Variants in GFPT1 observed in about 807,000 individuals in gnomAD.
GFPT1 encodes glutamine--fructose-6-phosphate aminotransferase [isomerizing] 1.
In GFPT1, 40 loss-of-function variants were observed where a neutral mutation model predicts 92.0. That is an observed-to-expected ratio of 0.43 (90% CI 0.34 to 0.57). The LOEUF is 0.57. Among genes scored for constraint, GFPT1 ranks in the 20% least tolerant of loss-of-function variants. The pLI is 0.02. For missense variants in GFPT1, 448 were observed against 869.1 expected (o/e 0.52, Z 6.09); for synonymous variants, 269 against 280.6 (o/e 0.96, Z 0.41).
chr2:69,361,062 G>C (rs533181318), intron 4 of GFPT1, among the ~76,000 whole-genome samples: 1 of 152,124 alleles, frequency 6.6e-6, no homozygotes, highest in African/African-American at 2.4e-5. Flanking sequence ...TATACATAAA[G>C]ATCTGATATT....
At chr2:69,381,862 T>TG (rs1267308569) in intron 1 of GFPT1, among the ~76,000 whole-genome samples, 5 of 84,716 alleles carry the variant, frequency 5.9e-5, no homozygotes, top group Non-Finnish European at 6.5e-5. Flanking sequence ...TACTTATAAC[T>TG]CTTTTTTTTT....
chr2:69,352,612 CAAAAAAAAAA>C (rs748958210), intron 9 of GFPT1, among the ~76,000 whole-genome samples: 5 of 47,378 alleles, frequency 1.1e-4, no homozygotes, highest in Admixed American at 3.8e-4. Context: ...GACTTCGTCT[CAAAAAAAAAA>C]AAAAAAAAAA....
At chr2:69,356,402 C>T in intron 7 of GFPT1, 94 bp downstream of exon 7, 1 of 880,782 alleles carries the variant, frequency 1.1e-6, no homozygotes, top group Non-Finnish European at 2.0e-6. Flanking sequence ...AAGGGCAGAG[C>T]CTTTATAATA....
Position 69,326,110 on chromosome 2 carries a change from T to C in GFPT1, c.*79A>G. The C allele has an allele frequency of 1.1e-6, 1 of 938,890 alleles. No homozygotes were observed. The highest frequency in any genetic ancestry group is 1.7e-6 in the Non-Finnish European group (1 of 586,780). The allele number at this position is 938,890 out of a possible 1,614,324, so 58.2% of individuals were successfully genotyped here. On this transcript the variant is annotated 3_prime_UTR_variant, in exon 20 of 20. Transcript: ENST00000357308. The stretch of plus-strand genomic sequence containing the variant: ...AAAAAAAGGCTTCAAGGGGTGATAT[T>C]TTAAATCAAGGTTTTAAATACAAAA...
At chr2:69,329,510 T>G (rs1670608654) in intron 16 of GFPT1, 86 bp from the exon 17 acceptor site, 2 of 1,094,082 alleles carry the variant, frequency 1.8e-6, no homozygotes, top group Non-Finnish European at 2.8e-6. Flanking sequence ...AAGACCAGTG[T>G]TTCTATTCCT....
At chr2:69,366,902 T>C (rs755032110) in intron 3 of GFPT1, among the ~76,000 whole-genome samples, 42 of 152,126 alleles carry the variant, frequency 2.8e-4, no homozygotes, top group Non-Finnish European at 5.1e-4. Flanking sequence ...GATGTCATCT[T>C]CCCTTTTCAA....
chr2:69,346,766 T>A (rs1671092553), intron 11 of GFPT1, among the ~76,000 whole-genome samples: 1 of 152,044 alleles, frequency 6.6e-6, no homozygotes, highest in South Asian at 2.1e-4. Context: ...AGGGTCTTTG[T>A]CACCCAGACT....
chr2:69,379,783 G>A (rs1340988459), intron 1 of GFPT1, among the ~76,000 whole-genome samples: 1 of 151,942 alleles, frequency 6.6e-6, no homozygotes, highest in African/African-American at 2.4e-5. Flanking sequence ...GTATAGTGAT[G>A]CGATCTTGGC....
intron 1 of GFPT1, among the ~76,000 whole-genome samples, chr2:69,385,493 G>A (rs1672109138): frequency 6.6e-6 from 1 of 152,046 alleles, no homozygotes; most frequent in Non-Finnish European, 1.5e-5. Context: ...CCAAAGTGCT[G>A]AGATTATAGG....
At position 69,321,670 on chromosome 2, in the gene GFPT1, CA is replaced by C. The variant is rs1323962436; in HGVS notation, c.*4518del. 6.6e-6 allele frequency: 1 copy of C among 152,118 alleles called. No homozygotes were observed. The highest frequency in any genetic ancestry group is 6.5e-5 in the Admixed American group (1 of 15,270). The allele number at this position is 152,118 out of a possible 1,614,324, so 9.4% of individuals were successfully genotyped here. A position where few individuals can be genotyped will look rare whatever the true frequency, so the allele number is the denominator to read the frequency against. On this transcript the variant is annotated 3_prime_UTR_variant, in exon 20 of 20. Coordinates refer to ENST00000357308, the MANE Select transcript of GFPT1 (RefSeq NM_001244710.2). ...AAAGCAAAGATGATCCTAAAATTTC[CA>C]CTTCTCAAGAAGTGTAATTTAAACA...
intron 4 of GFPT1, among the ~76,000 whole-genome samples, chr2:69,360,465 G>A (rs1394219449): frequency 2.2e-5 from 3 of 136,556 alleles, no homozygotes; most frequent in Non-Finnish European, 3.0e-5. Context: ...TTGGAGACAC[G>A]ATGTTGCTCT....
At chr2:69,332,796 G>A (rs994435652) in intron 15 of GFPT1, among the ~76,000 whole-genome samples, 14 of 151,870 alleles carry the variant, frequency 9.2e-5, no homozygotes, top group African/African-American at 2.7e-4. Flanking sequence ...GTGTGTGTGC[G>A]CGCGCGGATT....
chr2:69,365,697 T>C (rs1210456291), intron 3 of GFPT1, among the ~76,000 whole-genome samples: 1 of 152,230 alleles, frequency 6.6e-6, no homozygotes, highest in African/African-American at 2.4e-5. Flanking sequence ...TATTCTTTCC[T>C]GGCTTAACTG....
chr2:69,332,911 G>A (rs1670699553), intron 15 of GFPT1, among the ~76,000 whole-genome samples: 1 of 151,812 alleles, frequency 6.6e-6, no homozygotes, highest in Admixed American at 6.6e-5. Flanking sequence ...TCACAGTCTG[G>A]TAACTCCTTA....
chr2:69,339,109 C>T (rs1250281859), intron 13 of GFPT1, among the ~76,000 whole-genome samples: 2 of 152,134 alleles, frequency 1.3e-5, no homozygotes, highest in African/African-American at 4.8e-5. Context: ...AGGAAACATA[C>T]CCACACATAT....
At chr2:69,353,627 G>C (rs143100272) in intron 9 of GFPT1, among the ~76,000 whole-genome samples, 3 of 151,850 alleles carry the variant, frequency 2.0e-5, no homozygotes, top group Non-Finnish European at 4.4e-5. Flanking sequence ...CCAAGAGTTC[G>C]AAATTGCAGT....
intron 12 of GFPT1, among the ~76,000 whole-genome samples, chr2:69,344,013 C>T (rs1254742153): frequency 6.6e-6 from 1 of 152,108 alleles, no homozygotes; most frequent in Non-Finnish European, 1.5e-5. Context: ...GCCACACCAG[C>T]CAGACTGGCC....
Position 69,338,571 on chromosome 2 carries a change from G to C in GFPT1, c.1204-6C>G. On this transcript the variant is annotated splice_polypyrimidine_tract_variant and splice_region_variant and intron_variant, in intron 13 of 19. Transcript: ENST00000357308. ...TCCTCAAGAACTTGACGTGTCTGCA[G>C]AGAAAATATGACTTGGTCACAGAAC... 1 of 1,613,828 alleles carries C rather than the reference G, an allele frequency of 6.2e-7. No individual in the cohort carries two copies.
intron 11 of GFPT1, among the ~76,000 whole-genome samples, chr2:69,347,210 CTT>C (rs747188474): frequency 4.9e-5 from 7 of 142,838 alleles, no homozygotes; most frequent in Non-Finnish European, 3.1e-5. Context: ...TGCACCTGGA[CTT>C]TTTTTTTTTT....
Sources: gnomAD v4.1 joint callset for allele counts (sites outside exome capture counted in the v4.1 genomes callset) on GRCh38, gnomAD v4.1.1 for gene constraint, MANE v1.5 for transcripts, NCBI Gene and HGNC (gene_info 2026-07-23, HGNC 2026-07-21) for gene names.